TTC28: variants seen among roughly 807,000 people sequenced by gnomAD.
TTC28 encodes the protein tetratricopeptide repeat domain 28, also known as tetratricopeptide repeat protein 28.
Under a neutral mutation model 198.0 loss-of-function variants are expected in TTC28, and 61 were observed. The ratio of observed to expected loss-of-function variants is 0.31; its 90% confidence interval spans 0.25 to 0.38. The LOEUF (loss-of-function observed/expected upper bound fraction) is 0.38. Ranked by LOEUF, TTC28 falls within the 10% of genes least tolerant of loss-of-function variation. TTC28 has a pLI of 1.00. For missense variants in TTC28, 2,678 were observed against 3,164.0 expected (o/e 0.85, Z 3.69); for synonymous variants, 1,171 against 1,297.8 (o/e 0.90, Z 2.10).
chr22:28,216,888 T>C (rs1338722975), intron 5 of TTC28, among the ~76,000 whole-genome samples: 1 of 152,004 alleles, frequency 6.6e-6, no homozygotes, highest in African/African-American at 2.4e-5. Context: ...TGCTTGGCAA[T>C]TTTTTATTTT....
intron 2 of TTC28, among the ~76,000 whole-genome samples, chr22:28,388,770 A>G (rs1433667502): frequency 1.3e-5 from 2 of 152,230 alleles, no homozygotes; most frequent in Non-Finnish European, 2.9e-5. Flanking sequence ...CTAGATATAC[A>G]ATCATGTCAT....
intron 5 of TTC28, among the ~76,000 whole-genome samples, chr22:28,272,631 T>C (rs1932164361): frequency 6.6e-6 from 1 of 152,242 alleles, no homozygotes; most frequent in African/African-American, 2.4e-5. Context: ...AAGAATTCAT[T>C]TGCCGAAAAT....
chr22:28,328,281 T>C (rs2145866483), intron 2 of TTC28, among the ~76,000 whole-genome samples: 1 of 151,694 alleles, frequency 6.6e-6, no homozygotes, highest in East Asian at 1.9e-4. Context: ...AAAAATATAA[T>C]GATTTAAAAA....
intron 2 of TTC28, among the ~76,000 whole-genome samples, chr22:28,482,083 C>T (rs2048254236): frequency 6.6e-6 from 1 of 152,052 alleles, no homozygotes; most frequent in African/African-American, 2.4e-5. Context: ...TAAGTGTGTT[C>T]CGTGTCAATC....
At position 27,981,023 on chromosome 22, in the gene TTC28, A is replaced by C. The variant is rs558366196; in HGVS notation, c.*1198T>G. The C allele has an allele frequency of 6.5e-6, 1 of 152,894 alleles. No individual in the cohort carries two copies. The highest frequency in any genetic ancestry group is 2.1e-4 in the South Asian group (1 of 4,832). 9.5% of individuals were successfully genotyped at this position (152,894 alleles called of 1,614,324 possible). A position where few individuals can be genotyped will look rare whatever the true frequency, so the allele number is the denominator to read the frequency against. On this transcript the variant is annotated 3_prime_UTR_variant, in exon 23 of 23. Coordinates refer to ENST00000397906, the MANE Select transcript of TTC28 (RefSeq NM_001145418.2). ...AGGGGCCAGTCCTTCAGACAGCAGG[A>C]GCACAGGAGGCTGGCCAGGGCCAAG...
intron 6 of TTC28, among the ~76,000 whole-genome samples, chr22:28,120,577 C>G (rs997134803): frequency 6.6e-6 from 1 of 152,132 alleles, no homozygotes; most frequent in Non-Finnish European, 1.5e-5. Context: ...ACTGTGCAAC[C>G]CAGGGTGAAG....
At chr22:28,498,361 T>C (rs763928626) in intron 2 of TTC28, among the ~76,000 whole-genome samples, 4 of 152,152 alleles carry the variant, frequency 2.6e-5, no homozygotes, top group Non-Finnish European at 4.4e-5. Flanking sequence ...GGTGACAAAG[T>C]AGAAAAATTT....
intron 2 of TTC28, among the ~76,000 whole-genome samples, chr22:28,396,696 A>G (rs1413972013): frequency 6.6e-6 from 1 of 152,154 alleles, no homozygotes; most frequent in Non-Finnish European, 1.5e-5. Context: ...CTCCCTCCCC[A>G]TCCCAATTAA....
chr22:28,099,782 G>A (rs1043095150), intron 9 of TTC28, among the ~76,000 whole-genome samples: 1 of 152,242 alleles, frequency 6.6e-6, no homozygotes, highest in Non-Finnish European at 1.5e-5. Flanking sequence ...GCCTCATGGT[G>A]AGTAAGGATG....
intron 2 of TTC28, among the ~76,000 whole-genome samples, chr22:28,604,196 T>C (rs974310521): frequency 2.0e-5 from 3 of 150,678 alleles, no homozygotes; most frequent in Non-Finnish European, 3.0e-5. Flanking sequence ...GAGAATCTCT[T>C]GAACCCGAGA....
chr22:28,145,117 A>G (rs1341698549), intron 6 of TTC28, among the ~76,000 whole-genome samples: 1 of 152,236 alleles, frequency 6.6e-6, no homozygotes, highest in African/African-American at 2.4e-5. Context: ...TTTACCTTAC[A>G]GGGGAAAAAA....
chr22:28,287,040 T>TA (rs1330419805), intron 5 of TTC28, among the ~76,000 whole-genome samples: 2 of 152,154 alleles, frequency 1.3e-5, no homozygotes, highest in Admixed American at 6.5e-5. Context: ...GACATACATA[T>TA]ATGTAAAGAA....
intron 3 of TTC28, among the ~76,000 whole-genome samples, chr22:28,299,966 A>T (rs1460903841): frequency 6.6e-6 from 1 of 152,178 alleles, no homozygotes; most frequent in Admixed American, 6.5e-5. Flanking sequence ...CCAAACCCTC[A>T]GTCAAAATCA....
chr22:28,244,282 G>C (rs1929915410), intron 5 of TTC28, among the ~76,000 whole-genome samples: 1 of 152,126 alleles, frequency 6.6e-6, no homozygotes, highest in Non-Finnish European at 1.5e-5. Context: ...ACTAGATGGA[G>C]AGCAGCCACT....
At chr22:28,630,980 A>C (rs1277247568) in intron 1 of TTC28, among the ~76,000 whole-genome samples, 1 of 152,190 alleles carries the variant, frequency 6.6e-6, no homozygotes, top group African/African-American at 2.4e-5. Context: ...AAAGCCAGGA[A>C]CAGTGGCATG....
intron 12 of TTC28, among the ~76,000 whole-genome samples, chr22:28,062,463 C>T: frequency 9.7e-6 from 1 of 103,290 alleles, no homozygotes; most frequent in South Asian, 3.2e-4. Context: ...TAGAATTCTA[C>T]TTTATTTTGG....
At chr22:28,207,138 G>A (rs75187891) in intron 5 of TTC28, among the ~76,000 whole-genome samples, 1,573 of 151,436 alleles carry the variant, frequency 0.01, 32 homozygotes, top group African/African-American at 0.036. Flanking sequence ...GTACCCTTAA[G>A]GGGAAAATAC....
At chr22:28,252,249 A>C (rs1433402992) in intron 5 of TTC28, among the ~76,000 whole-genome samples, 1 of 152,224 alleles carries the variant, frequency 6.6e-6, no homozygotes, top group Non-Finnish European at 1.5e-5. Context: ...CCCTAACAAA[A>C]ACAGAGCTTT....
At chr22:28,094,684 C>T (rs1241254088) in intron 11 of TTC28, among the ~76,000 whole-genome samples, 1 of 152,086 alleles carries the variant, frequency 6.6e-6, no homozygotes, top group East Asian at 1.9e-4. Flanking sequence ...GCTTTCATTT[C>T]ACAAAAGCAA....
Sources: gnomAD v4.1 joint callset for allele counts (sites outside exome capture counted in the v4.1 genomes callset) on GRCh38, gnomAD v4.1.1 for gene constraint, MANE v1.5 for transcripts, NCBI Gene and HGNC (gene_info 2026-07-23, HGNC 2026-07-21) for gene names.